SHISA9: variants seen among roughly 807,000 people sequenced by gnomAD.
The protein encoded by SHISA9 is protein shisa-9.
In SHISA9, 13 loss-of-function variants were observed where a neutral mutation model predicts 38.0. The observed-to-expected ratio is 0.34, with a 90% CI of 0.22 to 0.54. The LOEUF (loss-of-function observed/expected upper bound fraction) is 0.54. Among genes scored for constraint, SHISA9 ranks in the 20% least tolerant of loss-of-function variants. The pLI is 0.91. For missense variants in SHISA9, 538 were observed against 575.8 expected (o/e 0.93, Z 0.67); for synonymous variants, 275 against 242.0 (o/e 1.14, Z -1.27).
chr16:13,397,987 C>G, the SHISA9 span, among the ~76,000 whole-genome samples: 3 of 152,310 alleles, frequency 2.0e-5, no homozygotes, highest in Middle Eastern at 3.4e-3. Flanking sequence ...AGTCAGGCCT[C>G]TTAGCAGCCC....
intron 2 of SHISA9, among the ~76,000 whole-genome samples, chr16:12,966,637 A>G (rs1225788968): frequency 6.6e-6 from 1 of 152,184 alleles, no homozygotes; most frequent in Non-Finnish European, 1.5e-5. Context: ...GGTACAAAAT[A>G]TCCCTTTCTC....
chr16:13,207,975 A>T (rs1439706545), intron 3 of SHISA9, among the ~76,000 whole-genome samples: 1 of 152,216 alleles, frequency 6.6e-6, no homozygotes, highest in Non-Finnish European at 1.5e-5. Context: ...TTTAGCATTC[A>T]CTGGTAAGCT....
chr16:13,389,292 A>G, the SHISA9 span, among the ~76,000 whole-genome samples: 2 of 152,118 alleles, frequency 1.3e-5, no homozygotes, highest in Non-Finnish European at 2.9e-5. Flanking sequence ...TACCTTTCCC[A>G]GAATTGTCAT....
intron 3 of SHISA9, among the ~76,000 whole-genome samples, chr16:13,210,087 C>T (rs564215115): frequency 1.2e-4 from 18 of 152,136 alleles, no homozygotes; most frequent in Admixed American, 2.0e-4. Flanking sequence ...GGCAACAGAG[C>T]GAGACTCTGT....
intron 4 of SHISA9, among the ~76,000 whole-genome samples, chr16:13,228,801 G>T (rs932257923): frequency 6.6e-6 from 1 of 152,030 alleles, no homozygotes; most frequent in Non-Finnish European, 1.5e-5. Flanking sequence ...TCATCCCCCA[G>T]GTATTAAACC....
At chr16:12,908,129 A>ACATGGCTACTGCTCAG (rs55838036) in intron 1 of SHISA9, among the ~76,000 whole-genome samples, 125,024 of 152,084 alleles carry the variant, frequency 0.82, 52,120 homozygotes, top group East Asian at 1. Flanking sequence ...AGGACCTGTC[A>ACATGGCTACTGCTCAG]CAACTATTAC....
the SHISA9 span, among the ~76,000 whole-genome samples, chr16:13,525,101 C>T: frequency 6.6e-6 from 1 of 152,132 alleles, no homozygotes; most frequent in Non-Finnish European, 1.5e-5. Flanking sequence ...GTTTCTGGCC[C>T]TATCACCGTA....
At chr16:13,205,684 G>A (rs755658815) in intron 3 of SHISA9, among the ~76,000 whole-genome samples, 18 of 152,174 alleles carry the variant, frequency 1.2e-4, no homozygotes, top group Admixed American at 7.9e-4. Flanking sequence ...CCCTGGTCTT[G>A]TTTCTAGTAG....
the SHISA9 span, chr16:13,331,827 C>T: frequency 6.6e-6 from 1 of 152,132 alleles, no homozygotes; most frequent in Non-Finnish European, 1.5e-5. Context: ...AAGTGGAAAC[C>T]ATAATAATAC....
chr16:13,103,032 C>G (rs1439113903), intron 2 of SHISA9, among the ~76,000 whole-genome samples: 2 of 152,220 alleles, frequency 1.3e-5, no homozygotes, highest in South Asian at 2.1e-4. Context: ...TTGTGCCAAT[C>G]TCTTTGAACA....
At chr16:13,437,335 GTGA>G in the SHISA9 span, among the ~76,000 whole-genome samples, 1 of 152,180 alleles carries the variant, frequency 6.6e-6, no homozygotes, top group African/African-American at 2.4e-5. Context: ...AGAGATTTCT[GTGA>G]TGATGATGGT....
chr16:13,205,910 C>G (rs930431703), intron 3 of SHISA9, among the ~76,000 whole-genome samples: 1 of 151,452 alleles, frequency 6.6e-6, no homozygotes, highest in African/African-American at 2.4e-5. Context: ...TACAGGCATG[C>G]ACCACTATGC....
At chr16:13,446,050 C>G in the SHISA9 span, among the ~76,000 whole-genome samples, 1 of 152,200 alleles carries the variant, frequency 6.6e-6, no homozygotes, top group African/African-American at 2.4e-5. Context: ...TCAAGTGATT[C>G]TCCTGCCTCA....
At chr16:13,554,806 AAAG>A in the SHISA9 span, among the ~76,000 whole-genome samples, 1 of 152,202 alleles carries the variant, frequency 6.6e-6, no homozygotes, top group African/African-American at 2.4e-5. Flanking sequence ...GTTGCATCTA[AAAG>A]AAGATGTGGG....
At chr16:13,116,416 C>T (rs2074031297) in intron 2 of SHISA9, among the ~76,000 whole-genome samples, 1 of 152,114 alleles carries the variant, frequency 6.6e-6, no homozygotes, top group Admixed American at 6.5e-5. Flanking sequence ...TATAGTATGG[C>T]AGAGTGACAT....
chr16:13,070,980 G>C (rs565432799), intron 2 of SHISA9, among the ~76,000 whole-genome samples: 38 of 152,262 alleles, frequency 2.5e-4, no homozygotes, highest in African/African-American at 8.9e-4. Flanking sequence ...TCCTTGACCT[G>C]CCTGGTTCTT....
At chr16:13,215,382 C>A (rs1178939507) in intron 4 of SHISA9, among the ~76,000 whole-genome samples, 2 of 152,196 alleles carry the variant, frequency 1.3e-5, no homozygotes, top group Non-Finnish European at 2.9e-5. Context: ...AATCCCCTGA[C>A]TACCTGGCTG....
intron 2 of SHISA9, among the ~76,000 whole-genome samples, chr16:13,031,400 T>C (rs570147840): frequency 6.6e-6 from 1 of 152,308 alleles, no homozygotes; most frequent in African/African-American, 2.4e-5. Context: ...ATGGATAATG[T>C]TTCATTTTAC....
At chr16:13,388,791 A>G in the SHISA9 span, among the ~76,000 whole-genome samples, 2 of 152,176 alleles carry the variant, frequency 1.3e-5, no homozygotes, top group Non-Finnish European at 2.9e-5. Context: ...CATGTGAACA[A>G]AAGAAAGGAC....
Sources: gnomAD v4.1 joint callset for allele counts (sites outside exome capture counted in the v4.1 genomes callset) on GRCh38, gnomAD v4.1.1 for gene constraint, MANE v1.5 for transcripts, NCBI Gene and HGNC (gene_info 2026-07-23, HGNC 2026-07-21) for gene names.